DMD: variants seen among roughly 807,000 people sequenced by gnomAD.
DMD encodes the protein dystrophin, also known as mutant dystrophin.
DMD carries 63 observed loss-of-function variants against 330.1 expected under a neutral mutation model. That is an observed-to-expected ratio of 0.19 (90% CI 0.16 to 0.24). DMD has a LOEUF of 0.24. Among genes scored for constraint, DMD ranks in the 10% least tolerant of loss-of-function variants. The pLI, the probability that DMD is intolerant of heterozygous loss-of-function variation, is 1.00. For synonymous variants in DMD, 1,223 were observed against 959.8 expected (o/e 1.27, Z -5.07); for missense variants, 3,344 against 2,684.1 (o/e 1.25, Z -5.43).
intron 11 of DMD, among the ~76,000 whole-genome samples, chrX:32,633,398 G>A (rs1399527232): frequency 8.9e-6 from 1 of 111,924 alleles, no homozygotes; most frequent in Non-Finnish European, 1.9e-5. Flanking sequence ...CGACAGCTTG[G>A]ACTTCACTGT....
intron 7 of DMD, among the ~76,000 whole-genome samples, chrX:32,704,069 G>C (rs748629583): frequency 2.8e-4 from 31 of 111,671 alleles, no homozygotes; most frequent in Admixed American, 2.1e-3. Context: ...CAATAACACC[G>C]TTTCTGATGA....
intron 37 of DMD, among the ~76,000 whole-genome samples, chrX:32,352,348 T>C (rs1289349238): frequency 1.8e-5 from 2 of 111,053 alleles, no homozygotes; most frequent in Admixed American, 1.9e-4. Flanking sequence ...ATATATGTAA[T>C]TTTAAATATT....
intron 63 of DMD, among the ~76,000 whole-genome samples, chrX:31,254,890 A>G (rs1341897341): frequency 3.7e-5 from 4 of 109,048 alleles, no homozygotes; most frequent in Admixed American, 2.0e-4. Context: ...AAAATTTAAA[A>G]AAAGATTAGC....
intron 55 of DMD, among the ~76,000 whole-genome samples, chrX:31,592,380 CTATATA>C (rs34388625): frequency 1.1e-3 from 105 of 92,203 alleles, no homozygotes; most frequent in African/African-American, 3.6e-3. Flanking sequence ...CATATATATT[CTATATA>C]TATATATATA....
intron 43 of DMD, among the ~76,000 whole-genome samples, chrX:32,251,381 A>T (rs1180581618): frequency 2.7e-5 from 3 of 110,595 alleles, no homozygotes; most frequent in Middle Eastern, 4.7e-3. Flanking sequence ...TCTCAAATTG[A>T]ATATAAATCT....
At chrX:32,844,107 C>T (rs982177192) in intron 4 of DMD, among the ~76,000 whole-genome samples, 18 of 111,276 alleles carry the variant, frequency 1.6e-4, no homozygotes, top group African/African-American at 5.5e-4. Context: ...AAAACACTGC[C>T]GTAAGAAACA....
rs1442322922 is a variant in DMD, at chrX:32,329,891, T to C, written c.5922+12209A>G. Among the ~76,000 whole-genome samples the C allele has an allele frequency of 3.6e-5, 4 of 112,636 alleles. No individual in the cohort carries two copies. In the South Asian group the frequency reaches 1.5e-3, roughly 41 times the overall value. ...CCAAATTATCTGAACATCTTAAGTT[T>C]GTACAGATATGGGCACTTGGATTAT... On this transcript the variant is annotated intron_variant, in intron 41 of 78. Coordinates refer to ENST00000357033, the MANE Select transcript of DMD (RefSeq NM_004006.3).
intron 45 of DMD, among the ~76,000 whole-genome samples, chrX:31,966,032 T>C (rs1249666140): frequency 8.9e-6 from 1 of 111,732 alleles, no homozygotes; most frequent in African/African-American, 3.2e-5. Context: ...TTTCTTTCAT[T>C]GATGTCCCTG....
intron 1 of DMD, among the ~76,000 whole-genome samples, chrX:33,029,660 G>A (rs975598135): frequency 2.6e-4 from 29 of 112,048 alleles, no homozygotes; most frequent in African/African-American, 9.4e-4. Flanking sequence ...TAACATAATC[G>A]CATAGTTGTA....
intron 16 of DMD, among the ~76,000 whole-genome samples, chrX:32,557,962 TAATA>T (rs1170914203): frequency 9.1e-6 from 1 of 110,108 alleles, no homozygotes; most frequent in African/African-American, 3.3e-5. Context: ...TAATTTATAT[TAATA>T]ATTAATTTAT....
At position 32,500,587 on chromosome X, in the gene DMD, A is replaced by T. The variant is rs148780698; in HGVS notation, c.2380+1168T>A. On this transcript the variant is annotated intron_variant, in intron 19 of 78. Coordinates refer to ENST00000357033, the MANE Select transcript of DMD (RefSeq NM_004006.3). ...GTTTCTAGGGGGAACTTACATAACAACTAGGAGAATATTTTTAGATCACAT... is the reference window on the plus strand; with the variant it reads ...GTTTCTAGGGGGAACTTACATAACATCTAGGAGAATATTTTTAGATCACAT... 2.5e-3 allele frequency among the ~76,000 whole-genome samples: 277 copies of T among 111,812 alleles called. 1 individual carries two copies. Among genetic ancestry groups the T allele is most frequent in the African/African-American group, 8.7e-3 (269 of 30,876 alleles).
chrX:32,397,789 T>C (rs753994800), intron 30 of DMD, among the ~76,000 whole-genome samples: 3 of 111,111 alleles, frequency 2.7e-5, no homozygotes, highest in Non-Finnish European at 5.7e-5. Context: ...CTCATATATA[T>C]AGTAACAGAA....
intron 44 of DMD, among the ~76,000 whole-genome samples, chrX:31,986,097 C>G (rs186227527): frequency 2.7e-5 from 3 of 111,530 alleles, no homozygotes; most frequent in African/African-American, 9.8e-5. Context: ...CTTCAACATA[C>G]AGATTCATGT....
At chrX:32,489,776 T>C (rs2148620726) in intron 20 of DMD, among the ~76,000 whole-genome samples, 1 of 112,030 alleles carries the variant, frequency 8.9e-6, no homozygotes, top group South Asian at 3.7e-4. Context: ...TCGGATAAGG[T>C]AACATCAGAT....
At chrX:31,250,941 G>T (rs2049290400) in intron 63 of DMD, among the ~76,000 whole-genome samples, 1 of 110,145 alleles carries the variant, frequency 9.1e-6, no homozygotes, top group Admixed American at 9.7e-5. Flanking sequence ...AATTAGCTGG[G>T]TGTGGTGGTG....
At chrX:32,413,710 C>CTTTTTT (rs779787287) in intron 29 of DMD, among the ~76,000 whole-genome samples, 93 of 78,520 alleles carry the variant, frequency 1.2e-3, no homozygotes, top group African/African-American at 2.0e-3. Context: ...AAGCTCTATT[C>CTTTTTT]TTTTTTTTTT....
intron 15 of DMD, among the ~76,000 whole-genome samples, chrX:32,567,216 G>A (rs770277284): frequency 8.9e-6 from 1 of 111,839 alleles, no homozygotes; most frequent in African/African-American, 3.2e-5. Context: ...CAGTCTTCAT[G>A]CCATTTTTAA....
rs886950140 is a variant in DMD, at chrX:32,516,898, G to A, written c.2292+1110C>T. The A allele has an allele frequency of 5.4e-5, 6 of 111,978 alleles. No individual in the cohort carries two copies. The South Asian group carries it at 1.8e-3, about 34-fold the overall frequency. The allele number at this position is 111,978 out of a possible 1,213,427, so 9.2% of individuals were successfully genotyped here. Reference sequence around the variant, plus strand: ...TCTATTATAATGCTGACAACAGCATGTCTTATAAAGCTAATAAGTAATTTA... The same window carrying A: ...TCTATTATAATGCTGACAACAGCATATCTTATAAAGCTAATAAGTAATTTA... On this transcript the variant is annotated intron_variant, in intron 18 of 78. Transcript: ENST00000357033.
intron 71 of DMD, among the ~76,000 whole-genome samples, chrX:31,175,851 T>C (rs1025401979): frequency 1.8e-5 from 2 of 111,436 alleles, no homozygotes; most frequent in African/African-American, 6.5e-5. Context: ...TCAAAGAATA[T>C]CGTTTGACTG....
Sources: gnomAD v4.1 joint callset for allele counts (sites outside exome capture counted in the v4.1 genomes callset) on GRCh38, gnomAD v4.1.1 for gene constraint, MANE v1.5 for transcripts, NCBI Gene and HGNC (gene_info 2026-07-23, HGNC 2026-07-21) for gene names.